Variants in CRBN observed in about 807,000 individuals in gnomAD.
CRBN encodes protein cereblon.
A neutral mutation model predicts 62.2 loss-of-function variants in CRBN; 53 were observed. The observed-to-expected ratio is 0.85, with a 90% CI of 0.68 to 1.07. CRBN has a LOEUF of 1.07. Among genes scored for constraint, CRBN ranks in the 50% least tolerant of loss-of-function variants. CRBN has a pLI of 0.00. For synonymous variants in CRBN, 208 were observed against 176.1 expected (o/e 1.18, Z -1.43); for missense variants, 616 against 531.1 (o/e 1.16, Z -1.57).
rs201449042 is a variant in CRBN at position 3,174,186 on chromosome 3, G to A, written c.250C>T (p.Leu84Phe). The A allele has an allele frequency of 3.4e-5, 55 of 1,614,060 alleles. No individual in the cohort carries two copies. Among genetic ancestry groups the A allele is most frequent in the Admixed American group, 6.7e-5 (4 of 60,002 alleles). ...DDDSCQVIPV[L>F]PQVMMILIPG... ...ATCAGGATCATCATCACTTGTGGAA[G>A]AACTGGAATCACCTGACAGCTGTCG... Residue 84 changes from leucine (L) to phenylalanine (F), a missense_variant, in exon 3 of 11, where the codon CTT becomes TTT. Leu to Phe is a conservative substitution (Grantham distance 22). Transcript: ENST00000231948.
In CRBN at chr3:3,156,203, A is replaced by T; in HGVS notation, c.750+16T>A. Reference sequence around the variant, plus strand: ...GGCCTACCATATATAAAGTAAATTTAAGGTAAGTTACTTACAGCATCATAT... The same window carrying T: ...GGCCTACCATATATAAAGTAAATTTTAGGTAAGTTACTTACAGCATCATAT... On this transcript the variant is annotated intron_variant, in intron 6 of 10. Coordinates refer to ENST00000231948, the MANE Select transcript of CRBN (RefSeq NM_016302.4). The T allele has an allele frequency of 1.9e-6, 3 of 1,600,100 alleles. No individual in the cohort carries two copies. Among genetic ancestry groups the T allele is most frequent in the African/African-American group, 2.7e-5 (2 of 74,770 alleles).
chr3:3,172,250 G>A (rs1033899160), intron 4 of CRBN: 3 of 155,172 alleles, frequency 1.9e-5, no homozygotes, highest in African/African-American at 7.2e-5. Flanking sequence ...CACTGGAGAG[G>A]GACACGAAAT....
chr3:3,150,134 G>C lies in CRBN; in HGVS notation c.*731C>G, dbSNP rs1035568985. ...GTTTTGGCATCTTTTCCCTATAGTA[G>C]TAGTTTTGGTTCAAATTAATTTTTG... On this transcript the variant is annotated 3_prime_UTR_variant, in exon 11 of 11. Transcript: ENST00000231948. The C allele has an allele frequency of 2.6e-5, 4 of 152,064 alleles. No individual in the cohort carries two copies. Among genetic ancestry groups the C allele is most frequent in the Admixed American group, 2.0e-4 (3 of 15,256 alleles). The allele number at this position is 152,064 out of a possible 1,614,324, so 9.4% of individuals were successfully genotyped here.
chr3:3,158,122 T>TGGA (rs1706981207), intron 5 of CRBN, among the ~76,000 whole-genome samples: 1 of 152,196 alleles, frequency 6.6e-6, no homozygotes, highest in Admixed American at 6.5e-5. Context: ...AAACAGTTTT[T>TGGA]CCAAAGATGG....
downstream of CRBN, chr3:3,149,642 C>T (rs1402945634): frequency 2.0e-5 from 3 of 151,894 alleles, no homozygotes; most frequent in Admixed American, 1.3e-4. Flanking sequence ...GTCACACAAA[C>T]CCAAAATTAT....
Position 3,156,276 on chromosome 3 carries a change from C to CT in CRBN, c.692dup (p.Phe232ValfsTer18). The CT allele has an allele frequency of 6.2e-7, 1 of 1,613,902 alleles. No homozygotes were observed. Among genetic ancestry groups the CT allele is most frequent in the Non-Finnish European group, 8.5e-7 (1 of 1,179,870 alleles). Reference sequence around the variant, plus strand: ...ATGAAGTTAGATTTGCACAATGAAACTTTCTCTGAAAACAAAACAAAAAGG... The same window carrying CT: ...ATGAAGTTAGATTTGCACAATGAAACTTTTCTCTGAAAACAAAACAAAAAGG... On this transcript the variant is annotated frameshift_variant, in exon 6 of 11. Coordinates refer to ENST00000231948, the MANE Select transcript of CRBN (RefSeq NM_016302.4). LOFTEE classifies it high-confidence loss of function.
chr3:3,159,506 T>C (rs190166548), intron 5 of CRBN, among the ~76,000 whole-genome samples: 71 of 152,302 alleles, frequency 4.7e-4, no homozygotes, highest in Admixed American at 2.0e-3. Context: ...TGAAATAATA[T>C]GTAAATTTCA....
chr3:3,151,248 C>G (rs902921139), intron 10 of CRBN, among the ~76,000 whole-genome samples: 1 of 152,178 alleles, frequency 6.6e-6, no homozygotes, highest in Non-Finnish European at 1.5e-5. Context: ...GACTTTTATG[C>G]TCTTAAGCCA....
At chr3:3,157,879 G>GTT (rs1377697068) in intron 5 of CRBN, among the ~76,000 whole-genome samples, 1 of 152,142 alleles carries the variant, frequency 6.6e-6, no homozygotes, top group Non-Finnish European at 1.5e-5. Flanking sequence ...GGAATGTCTT[G>GTT]TTACCAGAGA....
intron 4 of CRBN, chr3:3,172,511 A>G: frequency 2.1e-6 from 1 of 479,300 alleles, no homozygotes; most frequent in East Asian, 3.9e-5. Flanking sequence ...ATCACCTGAA[A>G]ATCATTTTTA....
At chr3:3,176,561 C>A (rs896280844) in intron 1 of CRBN, among the ~76,000 whole-genome samples, 2 of 152,098 alleles carry the variant, frequency 1.3e-5, no homozygotes, top group Non-Finnish European at 2.9e-5. Context: ...CATGTTGCAA[C>A]CCCATCTCTA....
In CRBN at chr3:3,150,895, T is replaced by C; in HGVS notation, c.1299A>G (p.Ile433Met). Residue 433 changes from isoleucine (I) to methionine (M), a missense_variant, in exon 11 of 11, where the codon ATA becomes ATG. Ile to Met is a conservative substitution (Grantham distance 10). Transcript: ENST00000231948. ...AGCAAAGTATTACTTTGTCTGGACT[T>C]ATTTCATCTTCAGTGTCTGGGATCG... is the stretch of plus-strand genomic sequence containing the variant. ...LPTIPDTEDE[I>M]SPDKVILCL 1 of 1,613,970 alleles carries C rather than the reference T, an allele frequency of 6.2e-7. No homozygotes were observed. Among genetic ancestry groups the C allele is most frequent in the Non-Finnish European group, 8.5e-7 (1 of 1,179,910 alleles).
chr3:3,153,367 A>G (rs531432826), intron 9 of CRBN, 57 bp downstream of exon 9: 14 of 974,724 alleles, frequency 1.4e-5, no homozygotes, highest in South Asian at 1.3e-4. Context: ...ACAGAAATAC[A>G]GTCTTCATTA....
At chr3:3,172,227 G>A in intron 4 of CRBN, 1 of 154,186 alleles carries the variant, frequency 6.5e-6, no homozygotes, top group Admixed American at 6.4e-5. Flanking sequence ...ATTTCTGGGT[G>A]ATATAAAATT....
chr3:3,168,335 C>T lies in CRBN; in HGVS notation c.528-542G>A, dbSNP rs954318732. ...ACCTTTCTGTGTGCATTCCTTTTCA[C>T]GTTCTTAAGAGTTTAACTGTACAAA... On this transcript the variant is annotated intron_variant, in intron 4 of 10. Transcript: ENST00000231948. Among the ~76,000 whole-genome samples the T allele has an allele frequency of 3.3e-5, 5 of 152,240 alleles. No homozygotes were observed. In the East Asian group the frequency reaches 5.8e-4, roughly 18 times the overall value.
chr3:3,152,674 G>T (rs1490686587), intron 9 of CRBN, 87 bp from the exon 10 acceptor site: 3 of 1,487,754 alleles, frequency 2.0e-6, no homozygotes, highest in African/African-American at 2.8e-5. Context: ...AGTTCACCAA[G>T]AAATGAGGTA....
chr3:3,158,162 T>C (rs1298299480), intron 5 of CRBN, among the ~76,000 whole-genome samples: 1 of 152,218 alleles, frequency 6.6e-6, no homozygotes, highest in Non-Finnish European at 1.5e-5. Flanking sequence ...ATGATTCAAG[T>C]GCATTACATT....
rs2126067688 is a variant in CRBN at position 3,172,843 on chromosome 3, T to C, written c.460A>G (p.Ile154Val). Reference protein sequence around the residue: ...YREEQDFGIEIVKVKAIGRQR... With the variant: ...YREEQDFGIEVVKVKAIGRQR... ...CTTCCAATTGCTTTCACTTTCACTATCTCAATTCCAAAATCCTGTTCTTCT... is the reference window on the plus strand; with the variant it reads ...CTTCCAATTGCTTTCACTTTCACTACCTCAATTCCAAAATCCTGTTCTTCT... The change falls in exon 4 of 11, where the codon ATA becomes GTA. Residue 154 changes from isoleucine to valine, a missense_variant. Physicochemically the swap from Ile to Val is conservative, Grantham distance 29. Coordinates refer to ENST00000231948, the MANE Select transcript of CRBN (RefSeq NM_016302.4). The C allele has an allele frequency of 6.2e-7, 1 of 1,613,898 alleles. No individual in the cohort carries two copies. The highest frequency in any genetic ancestry group is 8.5e-7 in the Non-Finnish European group (1 of 1,179,772).
At chr3:3,152,415 TA>T in intron 10 of CRBN, 40 bp downstream of exon 10, 2 of 1,582,292 alleles carry the variant, frequency 1.3e-6, no homozygotes, top group Admixed American at 1.8e-5. Context: ...CCAATTAAGG[TA>T]AAAAAAGAAA....
Sources: gnomAD v4.1 joint callset for allele counts (sites outside exome capture counted in the v4.1 genomes callset) on GRCh38, gnomAD v4.1.1 for gene constraint, MANE v1.5 for transcripts, NCBI Gene and HGNC (gene_info 2026-07-23, HGNC 2026-07-21) for gene names.